DOC2B: variants seen among roughly 807,000 people sequenced by gnomAD.
The protein encoded by DOC2B is double C2-like domain-containing protein beta.
Under a neutral mutation model 28.9 loss-of-function variants are expected in DOC2B, and 21 were observed. That is an observed-to-expected ratio of 0.73 (90% CI 0.52 to 1.05). DOC2B has a LOEUF of 1.05. Ranked by LOEUF, DOC2B falls within the 50% of genes least tolerant of loss-of-function variation. The pLI is 0.00. For synonymous variants in DOC2B, 194 were observed against 178.1 expected (o/e 1.09, Z -0.71); for missense variants, 384 against 421.1 (o/e 0.91, Z 0.77).
intron 6 of DOC2B, among the ~76,000 whole-genome samples, chr17:155,586 C>T (rs950822708): frequency 1.1e-4 from 16 of 152,202 alleles, no homozygotes; most frequent in African/African-American, 3.6e-4. Context: ...CGAGCACTGA[C>T]GGTAGTCACT....
At chr17:175,641 A>T (rs1482483625) in intron 1 of DOC2B, among the ~76,000 whole-genome samples, 1 of 152,218 alleles carries the variant, frequency 6.6e-6, no homozygotes, top group African/African-American at 2.4e-5. Context: ...CATTCAAACC[A>T]ACTTGCCCTC....
chr17:159,501 G>C (rs143638734), intron 5 of DOC2B, among the ~76,000 whole-genome samples: 1 of 152,230 alleles, frequency 6.6e-6, no homozygotes, highest in Non-Finnish European at 1.5e-5. Flanking sequence ...GCACACGCCT[G>C]TAGTCCCAGC....
chr17:165,149 A>T (rs1054020849), intron 2 of DOC2B, among the ~76,000 whole-genome samples: 2 of 151,434 alleles, frequency 1.3e-5, no homozygotes, highest in African/African-American at 4.9e-5. Context: ...CTCCAGGCTC[A>T]GCTCCTGTTC....
At chr17:169,955 C>T (rs1221454079) in intron 2 of DOC2B, among the ~76,000 whole-genome samples, 3 of 152,332 alleles carry the variant, frequency 2.0e-5, no homozygotes, top group African/African-American at 7.2e-5. Flanking sequence ...CGGTACCACA[C>T]ATGTACACAC....
At chr17:152,812 AG>A (rs2040086587) in intron 6 of DOC2B, among the ~76,000 whole-genome samples, 1 of 152,190 alleles carries the variant, frequency 6.6e-6, no homozygotes, top group Non-Finnish European at 1.5e-5. Flanking sequence ...TAAAAATAAT[AG>A]TGCAGACAAA....
chr17:179,275 C>T (rs539757681), intron 1 of DOC2B, among the ~76,000 whole-genome samples: 1 of 152,286 alleles, frequency 6.6e-6, no homozygotes, highest in South Asian at 2.1e-4. Context: ...AGGCCAGGGG[C>T]CCAGCCCTGC....
intron 2 of DOC2B, among the ~76,000 whole-genome samples, chr17:168,814 G>A (rs186490105): frequency 6.6e-6 from 1 of 152,354 alleles, no homozygotes; most frequent in African/African-American, 2.4e-5. Context: ...CCAAACATGT[G>A]AGAAGTGCCT....
chr17:159,256 C>T (rs1220147167), intron 5 of DOC2B, among the ~76,000 whole-genome samples: 2 of 151,830 alleles, frequency 1.3e-5, no homozygotes, highest in South Asian at 2.1e-4. Context: ...TTTGGGAGGC[C>T]GAGGCAGGAG....
At chr17:150,269 G>A (rs2040058084) in intron 6 of DOC2B, among the ~76,000 whole-genome samples, 1 of 152,204 alleles carries the variant, frequency 6.6e-6, no homozygotes, top group Admixed American at 6.5e-5. Context: ...CCTGCTGAAT[G>A]TGCTCTGGGG....
chr17:166,025 C>T (rs544272581), intron 2 of DOC2B, among the ~76,000 whole-genome samples: 2 of 152,306 alleles, frequency 1.3e-5, no homozygotes, highest in South Asian at 2.1e-4. Context: ...CCGAGACACC[C>T]GTGGGAGCTA....
At chr17:160,135 C>A (rs932573319) in intron 5 of DOC2B, among the ~76,000 whole-genome samples, 1 of 151,982 alleles carries the variant, frequency 6.6e-6, no homozygotes, top group Admixed American at 6.6e-5. Context: ...CAGGCATGCA[C>A]CCCCACACCC....
At chr17:178,091 T>G (rs2040391097) in intron 1 of DOC2B, among the ~76,000 whole-genome samples, 1 of 152,242 alleles carries the variant, frequency 6.6e-6, no homozygotes, top group South Asian at 2.1e-4. Context: ...TCAAGGACCT[T>G]ATTGTTACAT....
chr17:166,237 C>A (rs2040263254), intron 2 of DOC2B, among the ~76,000 whole-genome samples: 1 of 152,278 alleles, frequency 6.6e-6, no homozygotes, highest in Non-Finnish European at 1.5e-5. Flanking sequence ...TGTGCTGCCA[C>A]CAACTTCTGT....
At chr17:178,534 C>T (rs2040394999) in intron 1 of DOC2B, among the ~76,000 whole-genome samples, 1 of 152,198 alleles carries the variant, frequency 6.6e-6, no homozygotes, top group Admixed American at 6.5e-5. Context: ...GAGGGCAGCA[C>T]GCCACAGAGG....
intron 5 of DOC2B, among the ~76,000 whole-genome samples, chr17:160,174 G>A (rs1386641552): frequency 3.3e-5 from 5 of 151,978 alleles, no homozygotes; most frequent in East Asian, 1.9e-4. Context: ...TAGCAGAGAC[G>A]GGGTTTCGCC....
intron 1 of DOC2B, among the ~76,000 whole-genome samples, chr17:175,115 G>A (rs2040354710): frequency 6.6e-6 from 1 of 152,184 alleles, no homozygotes; most frequent in Non-Finnish European, 1.5e-5. Flanking sequence ...GCGCATGCCT[G>A]TGGTCCCAGC....
intron 1 of DOC2B, among the ~76,000 whole-genome samples, chr17:176,396 GGGGTGC>G (rs2040370696): frequency 6.6e-6 from 1 of 151,166 alleles, no homozygotes; most frequent in African/African-American, 2.4e-5. Context: ...GTTGGTGCGG[GGGGTGC>G]GGGGGGGTAG....
chr17:158,540 G>A (rs954485824), intron 5 of DOC2B, among the ~76,000 whole-genome samples: 1 of 152,210 alleles, frequency 6.6e-6, no homozygotes, highest in African/African-American at 2.4e-5. Flanking sequence ...CACGCCCAGA[G>A]CAGACATGGC....
intron 6 of DOC2B, among the ~76,000 whole-genome samples, chr17:151,589 G>A (rs369122589): frequency 1.1e-4 from 16 of 152,272 alleles, no homozygotes; most frequent in South Asian, 1.0e-3. Context: ...CCCTAAGCCC[G>A]CCACCCGGAG....
Sources: allele counts gnomAD v4.1 joint callset (sites outside exome capture counted in the v4.1 genomes callset), GRCh38; gene constraint gnomAD v4.1.1; transcripts MANE v1.5; gene names NCBI Gene and HGNC (gene_info 2026-07-23, HGNC 2026-07-21).